The following ZNF81 variants were observed in gnomAD, a reference collection of about 807,000 sequenced individuals.
ZNF81 encodes the protein zinc finger protein 81, also known as zinc finger protein 81 (HFZ20).
A neutral mutation model predicts 32.3 loss-of-function variants in ZNF81; 5 were observed. The ratio of observed to expected loss-of-function variants is 0.15; its 90% CI spans 0.08 to 0.33. The LOEUF (loss-of-function observed/expected upper bound fraction) is 0.33, where lower values mean the gene tolerates loss of function less well. Ranked by LOEUF, ZNF81 falls within the 10% of genes least tolerant of loss-of-function variation. The pLI, the probability that ZNF81 is intolerant of heterozygous loss-of-function variation, is 1.00. For synonymous variants in ZNF81, 163 were observed against 166.8 expected, an observed-to-expected ratio of 0.98 and a Z score of 0.17; for missense variants, 379 against 479.8, an observed-to-expected ratio of 0.79 and a Z score of 1.96.
In ZNF81 at chrX:47,919,000, A is replaced by T. The variant is rs1556891463; in HGVS notation, c.*2368A>T. 3 of 265,287 alleles carry T rather than the reference A, an allele frequency of 1.1e-5. No homozygotes were observed. 21.9% of individuals were successfully genotyped at this position (265,287 alleles called of 1,213,427 possible). ...GTAACTTGTCATTTAGCTCACAGGT[A>T]TCTGGATCAAGAAACTGAAAAACTG... On this transcript the variant is annotated 3_prime_UTR_variant, in exon 5 of 5. Transcript: ENST00000338637.
chrX:47,915,704 C>G lies in ZNF81; in HGVS notation c.1058C>G (p.Thr353Ser). Reference protein sequence around the residue: ...SELIMHEKTHTREKPYKCNEC... With the variant: ...SELIMHEKTHSREKPYKCNEC... ...TTAATTATGCATGAGAAAACTCATA[C>G]TAGAGAGAAACCCTATAAATGCAAT... Residue 353 changes from threonine to serine, a missense_variant, in exon 5 of 5, where the codon ACT (threonine) becomes AGT (serine). Coordinates refer to ENST00000338637, the MANE Select transcript of ZNF81 (RefSeq NM_007137.5). The G allele has an allele frequency of 2.5e-6, 3 of 1,210,597 alleles. No individual in the cohort carries two copies. Among genetic ancestry groups the G allele is most frequent in the Non-Finnish European group, 3.4e-6 (3 of 895,155 alleles).
intron 2 of ZNF81, among the ~76,000 whole-genome samples, chrX:47,870,957 C>T (rs2058577662): frequency 9.0e-6 from 1 of 111,693 alleles, no homozygotes; most frequent in South Asian, 3.8e-4. Context: ...TAGCTAATTC[C>T]CATAGTACAG....
At chrX:47,847,899 G>T (rs2058477271) in intron 2 of ZNF81, among the ~76,000 whole-genome samples, 1 of 105,496 alleles carries the variant, frequency 9.5e-6, no homozygotes, top group Non-Finnish European at 2.0e-5. Flanking sequence ...GCTGAGAATA[G>T]AATTCTAGAT....
intron 2 of ZNF81, among the ~76,000 whole-genome samples, chrX:47,855,206 T>C (rs1001779462): frequency 2.8e-5 from 3 of 108,975 alleles, no homozygotes; most frequent in African/African-American, 1.0e-4. Context: ...AACCCCCAAA[T>C]CTTCCACCTT....
chrX:47,865,905 C>A (rs192804760), intron 2 of ZNF81, among the ~76,000 whole-genome samples: 14 of 111,848 alleles, frequency 1.3e-4, no homozygotes, highest in African/African-American at 3.9e-4. Context: ...GTGCTAATAC[C>A]ACCGTCAGAG....
intron 4 of ZNF81, among the ~76,000 whole-genome samples, chrX:47,914,089 C>T (rs1309200982): frequency 9.0e-6 from 1 of 111,246 alleles, no homozygotes; most frequent in African/African-American, 3.3e-5. Context: ...AAACTCCAAG[C>T]CTAGGCCCTC....
At chrX:47,866,517 A>G (rs1556883296) in intron 2 of ZNF81, among the ~76,000 whole-genome samples, 1 of 111,948 alleles carries the variant, frequency 8.9e-6, no homozygotes, top group African/African-American at 3.2e-5. Flanking sequence ...TGATAGCACC[A>G]TTTGCTGTAT....
chrX:47,857,061 A>G (rs1179313067), intron 2 of ZNF81, among the ~76,000 whole-genome samples: 1 of 112,412 alleles, frequency 8.9e-6, no homozygotes, highest in Non-Finnish European at 1.9e-5. Context: ...AAACCTGAGC[A>G]GAGGGAATAT....
chrX:47,846,520 A>G lies in ZNF81; in HGVS notation c.54+199A>G, dbSNP rs148420128. Among the ~76,000 whole-genome samples, 1,564 of 111,935 alleles carry G rather than the reference A, an allele frequency of 0.014. 79 individuals carry two copies. The East Asian group carries it at 0.16, about 12-fold the overall frequency. On this transcript the variant is annotated intron_variant, in intron 2 of 4. Transcript: ENST00000338637. Reference sequence around the variant, plus strand: ...ATTGCTGATTTATTTATCTTAGCTTATGGATTTTAAAAGAGGCTTTTGAAA... The same window carrying G: ...ATTGCTGATTTATTTATCTTAGCTTGTGGATTTTAAAAGAGGCTTTTGAAA...
Position 47,916,194 on chromosome X carries a change from C to T in ZNF81, c.1548C>T (p.His516=), listed in dbSNP as rs1556890801. 1 of 1,209,147 alleles carries T rather than the reference C, an allele frequency of 8.3e-7. No individual in the cohort carries two copies. The highest frequency in any genetic ancestry group is 3.0e-5 in the East Asian group (1 of 33,733). ...CCAACAGGTCAAATCTCAATACTCA[C>T]CAGAAGTCTCATACTGGAGAAAAGT... ...AFTNRSNLNT[H]QKSHTGEKSY... Residue 516 remains histidine (H), a synonymous_variant, in exon 5 of 5, where the codon CAC becomes CAT. Transcript: ENST00000338637.
At chrX:47,869,474 T>G (rs1342465088) in intron 2 of ZNF81, among the ~76,000 whole-genome samples, 15 of 111,458 alleles carry the variant, frequency 1.3e-4, no homozygotes, top group African/African-American at 4.9e-4. Flanking sequence ...AAAATGAGAT[T>G]CCTAAGTAAT....
At chrX:47,897,462 G>A (rs1402049004) in intron 4 of ZNF81, among the ~76,000 whole-genome samples, 1 of 111,643 alleles carries the variant, frequency 9.0e-6, no homozygotes, top group Non-Finnish European at 1.9e-5. Context: ...CAACTCCTTT[G>A]CCAGATATAT....
rs989497747 is a variant in ZNF81 at position 47,918,165 on chromosome X, C to T, written c.*1533C>T. 4.5e-5 allele frequency: 5 copies of T among 110,709 alleles called. No homozygotes were observed. The highest frequency in any genetic ancestry group is 3.8e-5 in the Non-Finnish European group (2 of 53,008). 9.1% of individuals were successfully genotyped at this position (110,709 alleles called of 1,213,427 possible). A position where few individuals can be genotyped will look rare whatever the true frequency, so the allele number is the denominator to read the frequency against. On this transcript the variant is annotated 3_prime_UTR_variant, in exon 5 of 5. Transcript: ENST00000338637. ...AGAGAGAAATGAACTAAAGAAATAA[C>T]TGTTTCTTTGGCAAGCAGAATTCAG...
chrX:47,904,829 A>G (rs1430076047), intron 4 of ZNF81, among the ~76,000 whole-genome samples: 1 of 111,994 alleles, frequency 8.9e-6, no homozygotes, highest in Non-Finnish European at 1.9e-5. Flanking sequence ...TCCAACAACG[A>G]TAGACTGGAT....
intron 3 of ZNF81, 43 bp downstream of exon 3, chrX:47,888,168 G>A (rs1209392562): frequency 8.4e-7 from 1 of 1,188,615 alleles, no homozygotes; most frequent in African/African-American, 1.8e-5. Context: ...GCCTGTTATG[G>A]GTTAAATTGT....
At chrX:47,875,537 A>G (rs1478210272) in intron 2 of ZNF81, among the ~76,000 whole-genome samples, 1 of 112,197 alleles carries the variant, frequency 8.9e-6, no homozygotes, top group Non-Finnish European at 1.9e-5. Flanking sequence ...ATGCTTCTCA[A>G]TCATAAAATC....
rs200139019 is a variant in ZNF81 at position 47,862,790 on chromosome X, AG to A, written c.54+16473del. Among the ~76,000 whole-genome samples, 1,102 of 111,255 alleles carry A rather than the reference AG, an allele frequency of 9.9e-3. 14 individuals carry two copies. The highest frequency in any genetic ancestry group is 0.035 in the African/African-American group (1,067 of 30,570). Reference sequence around the variant, plus strand: ...AGATCTGGAGATCAGAGTGTCTGGGAGGGGTGGTTTTGAATCTTACTTTTAT... The same window carrying A: ...AGATCTGGAGATCAGAGTGTCTGGGAGGGTGGTTTTGAATCTTACTTTTAT... On this transcript the variant is annotated intron_variant, in intron 2 of 4. Coordinates refer to ENST00000338637, the MANE Select transcript of ZNF81 (RefSeq NM_007137.5).
Position 47,846,218 on chromosome X carries a change from A to G in ZNF81, c.-50A>G. Reference sequence around the variant, plus strand: ...GTCCACCGATCCCACTGGAATTATAAAGTTGTCAGCAAGAAAGCCCCAGGG... The same window carrying G: ...GTCCACCGATCCCACTGGAATTATAGAGTTGTCAGCAAGAAAGCCCCAGGG... On this transcript the variant is annotated 5_prime_UTR_variant, in exon 2 of 5. Transcript: ENST00000338637. 2.5e-6 allele frequency: 3 copies of G among 1,187,500 alleles called. No individual in the cohort carries two copies. Among genetic ancestry groups the G allele is most frequent in the Non-Finnish European group, 3.4e-6 (3 of 881,008 alleles).
At chrX:47,870,269 A>T (rs1365569924) in intron 2 of ZNF81, among the ~76,000 whole-genome samples, 1 of 112,137 alleles carries the variant, frequency 8.9e-6, no homozygotes, top group Non-Finnish European at 1.9e-5. Context: ...CCCACATCAT[A>T]GGTCTGCCAA....
Sources: gnomAD v4.1 joint callset for allele counts (sites outside exome capture counted in the v4.1 genomes callset) on GRCh38, gnomAD v4.1.1 for gene constraint, MANE v1.5 for transcripts, NCBI Gene and HGNC (gene_info 2026-07-23, HGNC 2026-07-21) for gene names.